KRTDAP: variants seen among roughly 807,000 people sequenced by gnomAD.
The protein encoded by KRTDAP is keratinocyte differentiation-associated protein.
KRTDAP carries 14 observed loss-of-function variants against 18.6 expected under a neutral mutation model. That is an observed-to-expected ratio of 0.75 (90% CI 0.50 to 1.18). The LOEUF (loss-of-function observed/expected upper bound fraction) is 1.18. Ranked by LOEUF, KRTDAP falls within the 50% of genes most tolerant of loss-of-function variation. The pLI is 0.00. For synonymous variants in KRTDAP, 53 were observed against 49.5 expected, an observed-to-expected ratio of 1.07 and a Z score of -0.29; for missense variants, 114 against 121.3, an observed-to-expected ratio of 0.94 and a Z score of 0.28.
In KRTDAP at chr19:35,487,382, G is replaced by C; in HGVS notation, c.*46C>G. 1 of 1,583,488 alleles carries C rather than the reference G, an allele frequency of 6.3e-7. No individual in the cohort carries two copies. The highest frequency in any genetic ancestry group is 8.7e-7 in the Non-Finnish European group (1 of 1,151,854). On this transcript the variant is annotated 3_prime_UTR_variant, in exon 6 of 6. Coordinates refer to ENST00000338897, the MANE Select transcript of KRTDAP (RefSeq NM_207392.3). ...AGGCAGGAAAGAGTTATGGTAGGTT[G>C]AGAATCAGCGCTCACGCTAGCCCCC...
intron 3 of KRTDAP, 83 bp downstream of exon 3, chr19:35,488,579 A>G (rs1389013600): frequency 1.1e-5 from 18 of 1,607,892 alleles, no homozygotes; most frequent in Non-Finnish European, 1.4e-5. Flanking sequence ...GAACCGTGGC[A>G]GCTTTGCAAG....
At chr19:35,488,401 G>A (rs1418156392) in intron 4 of KRTDAP, 40 bp downstream of exon 4, 3 of 1,603,726 alleles carry the variant, frequency 1.9e-6, no homozygotes, top group Non-Finnish European at 2.6e-6. Context: ...TGGGATGACT[G>A]CAGACAACCG....
intron 1 of KRTDAP, among the ~76,000 whole-genome samples, chr19:35,489,621 C>T (rs908529036): frequency 6.6e-6 from 1 of 152,168 alleles, no homozygotes; most frequent in African/African-American, 2.4e-5. Context: ...GACAGCCCCC[C>T]CAGCTCAGTG....
chr19:35,490,204 T>C (rs917996486), intron 1 of KRTDAP, 152 bp downstream of exon 1: 48 of 541,670 alleles, frequency 8.9e-5, no homozygotes, highest in Non-Finnish European at 1.5e-4. Flanking sequence ...GGATGCTCTG[T>C]TCCCTCCTCC....
In KRTDAP at chr19:35,487,736, G is replaced by A. The variant is rs760475155; in HGVS notation, c.237C>T (p.Phe79=). ...CCTTAGGAAAGGCATCCCAGTTGAG[G>A]AAAGGAAGTTTCCTTTTGATAGACT... ...LFESIKRKLP[F]LNWDAFPKLK... Residue 79 remains phenylalanine, a synonymous_variant, in exon 5 of 6, where the codon TTC becomes TTT. Coordinates refer to ENST00000338897, the MANE Select transcript of KRTDAP (RefSeq NM_207392.3). The A allele has an allele frequency of 6.2e-7, 1 of 1,613,486 alleles. No individual in the cohort carries two copies. Among genetic ancestry groups the A allele is most frequent in the Admixed American group, 1.7e-5 (1 of 60,010 alleles).
chr19:35,488,473 C>A lies in KRTDAP; in HGVS notation c.181G>T (p.Asp61Tyr). ...AGGGCGTGCCAGTTCAGGAACTCAT[C>A]AGCCTTAAACGCCTGAGGAGGAAGA... Reference protein sequence around the residue: ...IDKLRSAFKADEFLNWHALFE... With the variant: ...IDKLRSAFKAYEFLNWHALFE... The change falls in exon 4 of 6, where the codon GAT becomes TAT. Residue 61 changes from aspartate to tyrosine, a missense_variant. Asp to Tyr is a radical substitution (Grantham distance 160, BLOSUM62 -3). Coordinates refer to ENST00000338897, the MANE Select transcript of KRTDAP (RefSeq NM_207392.3). 1 of 1,613,506 alleles carries A rather than the reference C, an allele frequency of 6.2e-7. No individual in the cohort carries two copies. The highest frequency in any genetic ancestry group is 2.2e-5 in the East Asian group (1 of 44,862).
Position 35,490,367 on chromosome 19 carries a change from C to G in KRTDAP, c.76G>C (p.Gly26Arg). ...GGTGACGTGCTCACCTCAGGACCAC[C>G]CAGGGTGGCTCCCTGGGCAGAGTGG... ...VLHSAQGATL[G>R]GPEEESTIEN... Residue 26 changes from glycine to arginine, a missense_variant, in exon 1 of 6, where the codon GGT becomes CGT. Transcript: ENST00000338897. The G allele has an allele frequency of 6.2e-7, 1 of 1,611,274 alleles. No homozygotes were observed. Among genetic ancestry groups the G allele is most frequent in the South Asian group, 1.1e-5 (1 of 90,818 alleles).
Position 35,487,418 on chromosome 19 carries a change from G to A in KRTDAP, c.*10C>T. The A allele has an allele frequency of 6.2e-7, 1 of 1,613,344 alleles. No individual in the cohort carries two copies. The highest frequency in any genetic ancestry group is 1.1e-5 in the South Asian group (1 of 91,082). ...CTCACGCTAGCCCCCTCTTCCAGTG[G>A]AGGTCATGGTCACTGGGCATCAGGA... On this transcript the variant is annotated 3_prime_UTR_variant, in exon 6 of 6. Transcript: ENST00000338897.
At chr19:35,489,308 TC>T in intron 1 of KRTDAP, among the ~76,000 whole-genome samples, 1 of 152,178 alleles carries the variant, frequency 6.6e-6, no homozygotes, top group African/African-American at 2.4e-5. Flanking sequence ...GGTTCCATAA[TC>T]CCCCTCCATG....
chr19:35,488,876 C>T (rs2067507522), intron 1 of KRTDAP, 36 bp from the exon 2 acceptor site: 1 of 1,604,352 alleles, frequency 6.2e-7, no homozygotes, highest in South Asian at 1.1e-5. Flanking sequence ...GGCAGGGGGT[C>T]ACGTGATGCC....
chr19:35,490,361 G>A lies in KRTDAP; in HGVS notation c.82C>T (p.Pro28Ser). ...AATGCAGGTGACGTGCTCACCTCAGGACCACCCAGGGTGGCTCCCTGGGCA... is the reference window on the plus strand; with the variant it reads ...AATGCAGGTGACGTGCTCACCTCAGAACCACCCAGGGTGGCTCCCTGGGCA... ...HSAQGATLGG[P>S]EEESTIENYA... Residue 28 changes from proline (P) to serine (S), a missense_variant, in exon 1 of 6, where the codon CCT becomes TCT. Coordinates refer to ENST00000338897, the MANE Select transcript of KRTDAP (RefSeq NM_207392.3). 6.2e-7 allele frequency: 1 copy of A among 1,608,118 alleles called. No individual in the cohort carries two copies. Among genetic ancestry groups the A allele is most frequent in the Non-Finnish European group, 8.5e-7 (1 of 1,176,338 alleles).
chr19:35,487,730 G>A lies in KRTDAP; in HGVS notation c.243C>T (p.Asn81=), dbSNP rs137857025. The A allele has an allele frequency of 1.7e-5, 27 of 1,613,218 alleles. No individual in the cohort carries two copies. Among genetic ancestry groups the A allele is most frequent in the South Asian group, 1.3e-4 (12 of 91,070 alleles). Residue 81 remains asparagine (N), a synonymous_variant, in exon 5 of 6, where the codon AAC becomes AAT. Transcript: ENST00000338897. ...ESIKRKLPFL[N]WDAFPKLKGL... ...CTCTTACCTTAGGAAAGGCATCCCAGTTGAGGAAAGGAAGTTTCCTTTTGA... is the reference window on the plus strand; with the variant it reads ...CTCTTACCTTAGGAAAGGCATCCCAATTGAGGAAAGGAAGTTTCCTTTTGA...
Position 35,487,473 on chromosome 19 carries a change from G to A in KRTDAP, c.262-7C>T. The A allele has an allele frequency of 6.2e-7, 1 of 1,613,754 alleles. No homozygotes were observed. The highest frequency in any genetic ancestry group is 1.1e-5 in the South Asian group (1 of 91,058). On this transcript the variant is annotated splice_region_variant and splice_polypyrimidine_tract_variant and intron_variant, in intron 5 of 5. Coordinates refer to ENST00000338897, the MANE Select transcript of KRTDAP (RefSeq NM_207392.3). ...CGCTCCTCAGTCCTTTCAGCTAGAG[G>A]GAGAGGGGTCAGGGTTAGATGGGGA...
rs770145485 is a variant in KRTDAP, at chr19:35,487,772, AAG to A, written c.214-15_214-14del. On this transcript the variant is annotated splice_polypyrimidine_tract_variant and intron_variant, in intron 4 of 5. Coordinates refer to ENST00000338897, the MANE Select transcript of KRTDAP (RefSeq NM_207392.3). The stretch of plus-strand genomic sequence containing the variant: ...TCCTTTTGATAGACTAAAAGAAAGA[AAG>A]AGAAAGAGAGTGATGTGTTGCAGGT... The A allele has an allele frequency of 1.6e-5, 26 of 1,607,236 alleles. No homozygotes were observed. The highest frequency in any genetic ancestry group is 2.0e-5 in the Non-Finnish European group (24 of 1,173,946).
intron 1 of KRTDAP, 125 bp downstream of exon 1, chr19:35,490,231 G>C: frequency 1.7e-6 from 1 of 574,800 alleles, no homozygotes; most frequent in Non-Finnish European, 3.1e-6. Flanking sequence ...CAGAGCCCCA[G>C]TTTCTTCAGC....
chr19:35,487,863 A>G (rs184630945), intron 4 of KRTDAP, 104 bp from the exon 5 acceptor site: 1 of 748,542 alleles, frequency 1.3e-6, no homozygotes, highest in East Asian at 2.5e-5. Flanking sequence ...AGTAACAATA[A>G]TGTCATTATT....
chr19:35,488,967 A>C, intron 1 of KRTDAP, 127 bp from the exon 2 acceptor site: 1 of 795,576 alleles, frequency 1.3e-6, no homozygotes, highest in Non-Finnish European at 2.1e-6. Flanking sequence ...CCCATTCCCC[A>C]CCATGGTCTC....
At chr19:35,487,683 C>T (rs1389314348) in intron 5 of KRTDAP, 29 bp downstream of exon 5, 7 of 1,596,488 alleles carry the variant, frequency 4.4e-6, no homozygotes, top group South Asian at 1.1e-5. Flanking sequence ...CCCCAAGCTC[C>T]ATACCCTCCT....
intron 4 of KRTDAP, among the ~76,000 whole-genome samples, 171 bp downstream of exon 4, chr19:35,488,270 G>A (rs11084815): frequency 0.14 from 21,724 of 152,176 alleles, 1,884 homozygotes; most frequent in East Asian, 0.23. Context: ...CAGGACTGGC[G>A]CCGGGGGAAG....
Sources: allele counts gnomAD v4.1 joint callset (sites outside exome capture counted in the v4.1 genomes callset), GRCh38; gene constraint gnomAD v4.1.1; transcripts MANE v1.5; gene names NCBI Gene and HGNC (gene_info 2026-07-23, HGNC 2026-07-21).